ERAP1: variants seen among roughly 807,000 people sequenced by gnomAD.
ERAP1 encodes adipocyte-derived leucine aminopeptidase.
ERAP1 carries 86 observed loss-of-function variants against 103.7 expected under a neutral mutation model. The ratio of observed to expected loss-of-function variants is 0.83; its 90% CI spans 0.70 to 0.99. The LOEUF (loss-of-function observed/expected upper bound fraction) is 0.99, where lower values mean the gene tolerates loss of function less well. Among genes scored for constraint, ERAP1 ranks in the 50% least tolerant of loss-of-function variants. The pLI is 0.00. For synonymous variants in ERAP1, 398 were observed against 402.4 expected (o/e 0.99, Z 0.13); for missense variants, 1,009 against 1,128.4 (o/e 0.89, Z 1.52).
the ERAP1 span, among the ~76,000 whole-genome samples, chr5:96,905,104 TACTC>T: frequency 2.5e-4 from 38 of 152,320 alleles, no homozygotes; most frequent in African/African-American, 8.4e-4. Flanking sequence ...GTGCAGTACT[TACTC>T]AATAAATGTC....
At chr5:96,832,097 T>A in the ERAP1 span, among the ~76,000 whole-genome samples, 18 of 152,148 alleles carry the variant, frequency 1.2e-4, no homozygotes, top group African/African-American at 4.3e-4. Context: ...GCCAGAACCA[T>A]GCAGGGGGAG....
exon 20 of ERAP1, chr5:96,762,369 C>T (rs1190831892): frequency 6.3e-7 from 1 of 1,588,560 alleles, no homozygotes; most frequent in Non-Finnish European, 8.5e-7. Context: ...CCCGTGATAC[C>T]TCGGTAAGCA....
intron 19 of ERAP1, among the ~76,000 whole-genome samples, chr5:96,763,539 C>A (rs1225248841): frequency 1.3e-5 from 2 of 152,226 alleles, no homozygotes; most frequent in East Asian, 3.9e-4. Context: ...AACTTTTTTG[C>A]CTTTAAGAAG....
At chr5:96,784,204 G>C (rs1397129657) in intron 13 of ERAP1, 124 bp from the exon 14 acceptor site, 1 of 1,065,348 alleles carries the variant, frequency 9.4e-7, no homozygotes, top group Non-Finnish European at 1.4e-6. Flanking sequence ...CTTATAAATA[G>C]ATAACTACGG....
At chr5:96,861,492 G>C in the ERAP1 span, among the ~76,000 whole-genome samples, 4 of 152,146 alleles carry the variant, frequency 2.6e-5, no homozygotes, top group Non-Finnish European at 4.4e-5. Flanking sequence ...ATAGTCTCAA[G>C]GTTCATAAGC....
intron 18 of ERAP1, among the ~76,000 whole-genome samples, chr5:96,777,582 C>T (rs1027158384): frequency 8.7e-5 from 13 of 150,278 alleles, no homozygotes; most frequent in South Asian, 6.4e-4. Flanking sequence ...CCTGCTGTAG[C>T]AACCTGGAAA....
At chr5:96,795,521 G>C (rs1235809372) in intron 4 of ERAP1, among the ~76,000 whole-genome samples, 1 of 152,206 alleles carries the variant, frequency 6.6e-6, no homozygotes, top group African/African-American at 2.4e-5. Flanking sequence ...AGCTGGACTT[G>C]AGCTTTGGTT....
chr5:96,773,092 T>A (rs575641428), downstream of ERAP1: 1 of 153,896 alleles, frequency 6.5e-6, no homozygotes, highest in African/African-American at 2.4e-5. Context: ...CCTTTCCTCT[T>A]GGGCTTTTGA....
chr5:96,867,091 C>T, the ERAP1 span, among the ~76,000 whole-genome samples: 63 of 151,992 alleles, frequency 4.1e-4, 1 homozygote, highest in African/African-American at 1.5e-3. Context: ...ACTGCAACCT[C>T]CACCTCCCAG....
the ERAP1 span, chr5:96,935,055 G>A: frequency 6.6e-6 from 1 of 152,540 alleles, no homozygotes; most frequent in African/African-American, 2.4e-5. Context: ...GGTGGCTCGG[G>A]GCTGGAGGCA....
the ERAP1 span, among the ~76,000 whole-genome samples, chr5:96,883,173 G>T: frequency 0.061 from 9,220 of 152,182 alleles, 350 homozygotes; most frequent in Middle Eastern, 0.11. Flanking sequence ...TGGGGGACAC[G>T]TGAAGGCGTA....
At chr5:96,925,680 C>T in the ERAP1 span, among the ~76,000 whole-genome samples, 1 of 152,180 alleles carries the variant, frequency 6.6e-6, no homozygotes, top group African/African-American at 2.4e-5. Flanking sequence ...ACAGTTTGGA[C>T]TTCCAGAGTG....
chr5:96,876,435 C>T, the ERAP1 span: 3 of 152,310 alleles, frequency 2.0e-5, no homozygotes, highest in Non-Finnish European at 4.4e-5. Flanking sequence ...ACTTACTGTA[C>T]TCAGGAAGCA....
the ERAP1 span, among the ~76,000 whole-genome samples, chr5:96,922,367 A>T: frequency 6.6e-6 from 1 of 152,210 alleles, no homozygotes; most frequent in Non-Finnish European, 1.5e-5. Flanking sequence ...TCTCGTCTCT[A>T]ATATATTGAG....
the ERAP1 span, among the ~76,000 whole-genome samples, chr5:96,911,765 C>G: frequency 1.9e-4 from 28 of 150,132 alleles, no homozygotes; most frequent in East Asian, 4.7e-3. Context: ...CACAGCTGCT[C>G]AGGAGGCTGA....
chr5:96,804,873 G>A (rs1250416203), intron 1 of ERAP1: 1 of 151,762 alleles, frequency 6.6e-6, no homozygotes, highest in Non-Finnish European at 1.5e-5. Flanking sequence ...TTGAACCTGG[G>A]AGGCAGAGTT....
At chr5:96,813,007 T>A (rs1351960207), upstream of ERAP1, among the ~76,000 whole-genome samples, 2 of 152,210 alleles carry the variant, frequency 1.3e-5, no homozygotes, top group African/African-American at 4.8e-5. Context: ...TCTCCTTATC[T>A]CATTTAAACT....
the ERAP1 span, among the ~76,000 whole-genome samples, chr5:96,849,911 A>T: frequency 6.6e-6 from 1 of 152,172 alleles, no homozygotes; most frequent in Non-Finnish European, 1.5e-5. Flanking sequence ...AAAAGCAGAC[A>T]CATCAACCAA....
At chr5:96,771,237 A>G (rs1373997078), downstream of ERAP1, among the ~76,000 whole-genome samples, 1 of 152,190 alleles carries the variant, frequency 6.6e-6, no homozygotes, top group Non-Finnish European at 1.5e-5. Context: ...AGTTATACGA[A>G]GTACTTAATC....
Sources: allele counts gnomAD v4.1 joint callset (sites outside exome capture counted in the v4.1 genomes callset), GRCh38; gene constraint gnomAD v4.1.1; transcripts MANE v1.5; gene names NCBI Gene and HGNC (gene_info 2026-07-23, HGNC 2026-07-21).